FAT1: variants seen among roughly 807,000 people sequenced by gnomAD.
The protein encoded by FAT1 is FAT atypical cadherin 1.
A neutral mutation model predicts 329.8 loss-of-function variants in FAT1; 171 were observed. The observed-to-expected ratio is 0.52, with a 90% CI of 0.46 to 0.59. FAT1 has a LOEUF of 0.59. FAT1 is among the 20% of genes least tolerant of loss of function. The probability of loss-of-function intolerance (pLI) is 0.00; values close to 1 mark genes in which losing one functional copy is unlikely to be tolerated. For synonymous variants in FAT1, 2,233 were observed against 2,228.6 expected, an observed-to-expected ratio of 1.00 and a Z score of -0.06; for missense variants, 5,672 against 5,774.4, an observed-to-expected ratio of 0.98 and a Z score of 0.57.
chr4:186,671,483 A>G (rs1742723643), intron 2 of FAT1, among the ~76,000 whole-genome samples: 1 of 152,116 alleles, frequency 6.6e-6, no homozygotes, highest in South Asian at 2.1e-4. Context: ...AGATCACCTG[A>G]GGTCAGGAGT....
rs750302176 is a variant in FAT1, at chr4:186,619,976, C to A, written c.6610G>T (p.Val2204Leu). Residue 2204 changes from valine to leucine, a missense_variant, in exon 10 of 27, where the codon GTG (valine) becomes TTG (leucine). Physicochemically the swap from Val to Leu is conservative, Grantham distance 32 (BLOSUM62 1). Transcript: ENST00000441802. ...AGGCCTTCCGGGCTGTTAGCCTGCA[C>A]GTGGACCACAGGGCTGTGCACCTGG... Reference protein sequence around the residue: ...SIQVHSPVVHVQANSPEGLKV... With the variant: ...SIQVHSPVVHLQANSPEGLKV... The A allele has an allele frequency of 6.2e-7, 1 of 1,613,956 alleles. No homozygotes were observed. The highest frequency in any genetic ancestry group is 8.5e-7 in the Non-Finnish European group (1 of 1,179,878).
intron 16 of FAT1, among the ~76,000 whole-genome samples, chr4:186,608,059 T>C (rs1739230722): frequency 6.6e-6 from 1 of 152,216 alleles, no homozygotes; most frequent in South Asian, 2.1e-4. Flanking sequence ...TACACGTTTA[T>C]ACCTCATAAC....
At chr4:186,663,678 T>C (rs2126619361) in intron 2 of FAT1, 65 bp from the exon 3 acceptor site, 1 of 1,297,866 alleles carries the variant, frequency 7.7e-7, no homozygotes, top group Non-Finnish European at 1.1e-6. Context: ...CTTCAGAAAG[T>C]GTCAACAACT....
chr4:186,641,338 G>A (rs540732114), intron 3 of FAT1, among the ~76,000 whole-genome samples: 12 of 152,298 alleles, frequency 7.9e-5, no homozygotes, highest in Admixed American at 7.2e-4. Context: ...TAAAAATGAC[G>A]CTTGAATGTG....
At chr4:186,636,440 T>C in intron 5 of FAT1, 145 bp downstream of exon 5, 1 of 937,668 alleles carries the variant, frequency 1.1e-6, no homozygotes, top group Middle Eastern at 2.6e-4. Context: ...TTCTCAAACG[T>C]TATCCGGCAT....
chr4:186,706,520 AAT>A (rs1433253394), intron 2 of FAT1, 41 bp downstream of exon 2: 7 of 1,529,904 alleles, frequency 4.6e-6, no homozygotes, highest in African/African-American at 1.4e-5. Flanking sequence ...AAAAAAAAAA[AAT>A]GGAAAAGGGC....
chr4:186,597,785 G>C lies in FAT1; in HGVS notation c.12265C>G (p.Leu4089Val), dbSNP rs749811366. 8 of 1,612,928 alleles carry C rather than the reference G, an allele frequency of 5.0e-6. No individual in the cohort carries two copies. In the Admixed American group the frequency reaches 1.3e-4, roughly 27 times the overall value. Reference protein sequence around the residue: ...RGLYTGQRCQLSPYCKDEPCK... With the variant: ...RGLYTGQRCQVSPYCKDEPCK... ...GGTTCATCTTTGCAGTATGGACTAA[G>C]CTGACACCTGAAGAGTAAGGAGAAA... is the stretch of plus-strand genomic sequence containing the variant. The change falls in exon 24 of 27, where the codon CTT becomes GTT. Residue 4089 changes from leucine (L) to valine (V), a missense_variant. Leu to Val is a conservative substitution (Grantham distance 32). Around this residue, in one of 2 missense-constraint regions of FAT1, gnomAD observed 1,706 missense variants for 1,859.1 expected, o/e 0.92. Coordinates refer to ENST00000441802, the MANE Select transcript of FAT1 (RefSeq NM_005245.4).
chr4:186,621,025 G>A lies in FAT1; in HGVS notation c.5561C>T (p.Thr1854Ile), dbSNP rs759817168. ...TGCATACTCAGCAAATAAACGTGGG[G>A]TTCCCATGTCATGCACTTGGACGGT... is the stretch of plus-strand genomic sequence containing the variant. ...HFTVQVHDMG[T>I]PRLFAEYAAN... Residue 1854 changes from threonine to isoleucine, a missense_variant, in exon 10 of 27, where the codon ACC becomes ATC. Physicochemically the swap from Thr to Ile is moderately conservative, Grantham distance 89 (BLOSUM62 -1). This residue lies in a region of FAT1 where 3,966 missense variants were observed against 3,915.2 expected (regional missense o/e 1.01). Coordinates refer to ENST00000441802, the MANE Select transcript of FAT1 (RefSeq NM_005245.4). 3 of 1,612,544 alleles carry A rather than the reference G, an allele frequency of 1.9e-6. No individual in the cohort carries two copies. Among genetic ancestry groups the A allele is most frequent in the Non-Finnish European group, 2.5e-6 (3 of 1,179,868 alleles).
At chr4:186,691,031 C>T (rs1324475574) in intron 2 of FAT1, among the ~76,000 whole-genome samples, 1 of 152,130 alleles carries the variant, frequency 6.6e-6, no homozygotes, top group African/African-American at 2.4e-5. Context: ...TTGGGCAGTG[C>T]TGCTTTTGAC....
intron 1 of FAT1, among the ~76,000 whole-genome samples, chr4:186,723,056 A>T (rs1278689390): frequency 6.6e-6 from 1 of 152,096 alleles, no homozygotes; most frequent in Non-Finnish European, 1.5e-5. Flanking sequence ...ATTTTTTTTT[A>T]AAGGCAATGA....
rs746597474 is a variant in FAT1 at position 186,611,552 on chromosome 4, C to A, written c.9687G>T (p.Val3229=). 6.2e-7 allele frequency: 1 copy of A among 1,613,904 alleles called. No individual in the cohort carries two copies. Among genetic ancestry groups the A allele is most frequent in the Admixed American group, 1.7e-5 (1 of 60,022 alleles). ...SVLDINDNPP[V]FEYREYGATV... ...TGGCACCATATTCACGGTACTCAAACACAGGGGGGTTGTCATTTATGTCAA... is the reference window on the plus strand; with the variant it reads ...TGGCACCATATTCACGGTACTCAAAAACAGGGGGGTTGTCATTTATGTCAA... Residue 3229 remains valine (V), a synonymous_variant, in exon 14 of 27, where the codon GTG becomes GTT. Coordinates refer to ENST00000441802, the MANE Select transcript of FAT1 (RefSeq NM_005245.4).
At chr4:186,721,868 TC>T (rs1745482759) in intron 1 of FAT1, among the ~76,000 whole-genome samples, 1 of 152,002 alleles carries the variant, frequency 6.6e-6, no homozygotes, top group Non-Finnish European at 1.5e-5. Context: ...CTTTTTCTTT[TC>T]TTTTTTTTCC....
Position 186,619,808 on chromosome 4 carries a change from A to G in FAT1, c.6778T>C (p.Leu2260=), listed in dbSNP as rs1252776666. 6.2e-7 allele frequency: 1 copy of G among 1,614,016 alleles called. No individual in the cohort carries two copies. Among genetic ancestry groups the G allele is most frequent in the Non-Finnish European group, 8.5e-7 (1 of 1,179,898 alleles). The change falls in exon 10 of 27, where the codon TTG becomes CTG. Residue 2260 remains leucine (L), a synonymous_variant. Transcript: ENST00000441802. ...AATACTTCAGCATGAGCGCCCGTCA[A>G]GGAGTCAGTTGCGCGTATGCTCAGC... ...YKLSIRATDS[L]TGAHAEVFVD... is the part of the protein sequence containing the mutation.
At chr4:186,656,830 A>T (rs1263324902) in intron 3 of FAT1, among the ~76,000 whole-genome samples, 3 of 152,226 alleles carry the variant, frequency 2.0e-5, no homozygotes, top group Non-Finnish European at 4.4e-5. Flanking sequence ...GGTTAAGAAG[A>T]TTCACTGTTT....
At chr4:186,657,142 C>T (rs1039953030) in intron 3 of FAT1, among the ~76,000 whole-genome samples, 2 of 152,116 alleles carry the variant, frequency 1.3e-5, no homozygotes, top group African/African-American at 4.8e-5. Flanking sequence ...ATGTGATGTC[C>T]AAGAGAAATG....
In FAT1 at chr4:186,636,064, C is replaced by T. The variant is rs756873511; in HGVS notation, c.4144G>A (p.Val1382Met). The change falls in exon 6 of 27, where the codon GTG becomes ATG. Residue 1382 changes from valine to methionine, a missense_variant. By Grantham distance (21) the Val-to-Met change is conservative. Transcript: ENST00000441802. ...PVAHMIGVIS[V>M]EPPGIPLWFD... ...CAAAGGGGTATGCCAGGAGGCTCCA[C>T]AGATATTACTCCAATCATGTGAGCA... The T allele has an allele frequency of 3.1e-6, 5 of 1,613,972 alleles. No individual in the cohort carries two copies. The highest frequency in any genetic ancestry group is 4.2e-6 in the Non-Finnish European group (5 of 1,179,890).
At chr4:186,622,235 C>T (rs1260693483) in intron 9 of FAT1, among the ~76,000 whole-genome samples, 4 of 152,246 alleles carry the variant, frequency 2.6e-5, no homozygotes, top group Non-Finnish European at 5.9e-5. Flanking sequence ...AAATTGACAT[C>T]AAGCTTCAAG....
At chr4:186,658,067 A>G (rs1741988794) in intron 3 of FAT1, among the ~76,000 whole-genome samples, 1 of 152,224 alleles carries the variant, frequency 6.6e-6, no homozygotes, top group African/African-American at 2.4e-5. Context: ...ACCTTGAGCA[A>G]GTGCTCAACT....
At chr4:186,687,072 T>C (rs1174559157) in intron 2 of FAT1, among the ~76,000 whole-genome samples, 1 of 152,128 alleles carries the variant, frequency 6.6e-6, no homozygotes, top group African/African-American at 2.4e-5. Flanking sequence ...TTTTAAACAA[T>C]TAATTAATGT....
Sources: allele counts gnomAD v4.1 joint callset (sites outside exome capture counted in the v4.1 genomes callset), GRCh38; gene constraint gnomAD v4.1.1; regional missense constraint gnomAD v4.1.1; transcripts MANE v1.5; gene names NCBI Gene and HGNC (gene_info 2026-07-23, HGNC 2026-07-21).